MCTP2: variants seen among roughly 807,000 people sequenced by gnomAD.
MCTP2 encodes multiple C2 and transmembrane domain containing 2.
Under a neutral mutation model 111.6 loss-of-function variants are expected in MCTP2, and 132 were observed. That is an observed-to-expected ratio of 1.18 (90% CI 1.03 to 1.37). MCTP2 has a LOEUF of 1.37. Ranked by LOEUF, MCTP2 falls within the 40% of genes most tolerant of loss-of-function variation. The pLI, the probability that MCTP2 is intolerant of heterozygous loss-of-function variation, is 0.00. For synonymous variants in MCTP2, 395 were observed against 387.7 expected, an observed-to-expected ratio of 1.02 and a Z score of -0.22; for missense variants, 1,183 against 1,067.9, an observed-to-expected ratio of 1.11 and a Z score of -1.50.
chr15:94,347,924 TC>T (rs1340442499), intron 8 of MCTP2, among the ~76,000 whole-genome samples: 17 of 139,446 alleles, frequency 1.2e-4, no homozygotes, highest in Non-Finnish European at 2.7e-4. Flanking sequence ...ACACATACAC[TC>T]CCCACACCCC....
intron 4 of MCTP2, among the ~76,000 whole-genome samples, chr15:94,328,585 T>C (rs2076995625): frequency 6.6e-6 from 1 of 152,252 alleles, no homozygotes; most frequent in Admixed American, 6.5e-5. Flanking sequence ...GATTTACTCA[T>C]GTCTGAGTTT....
chr15:94,475,008 C>G (rs769947322), intron 21 of MCTP2, among the ~76,000 whole-genome samples: 1 of 151,968 alleles, frequency 6.6e-6, no homozygotes, highest in Non-Finnish European at 1.5e-5. Flanking sequence ...CCTGCCTTGC[C>G]GTTCATTGTG....
intron 19 of MCTP2, among the ~76,000 whole-genome samples, chr15:94,455,682 C>G (rs1427617100): frequency 1.3e-5 from 2 of 152,156 alleles, no homozygotes; most frequent in African/African-American, 2.4e-5. Flanking sequence ...GCCTTGGCCT[C>G]TCAAAGTGCT....
At chr15:94,245,192 A>G (rs1462787683) in intron 1 of MCTP2, among the ~76,000 whole-genome samples, 5 of 144,596 alleles carry the variant, frequency 3.5e-5, no homozygotes, top group Admixed American at 2.1e-4. Context: ...ATACACACAT[A>G]TGTATGTATA....
chr15:94,436,425 G>C (rs1273462858), intron 17 of MCTP2, among the ~76,000 whole-genome samples: 1 of 152,052 alleles, frequency 6.6e-6, no homozygotes, highest in Non-Finnish European at 1.5e-5. Flanking sequence ...TGTTTGTTAG[G>C]AAATCAGTTC....
At chr15:94,334,397 C>T (rs2077261238) in intron 4 of MCTP2, among the ~76,000 whole-genome samples, 1 of 152,158 alleles carries the variant, frequency 6.6e-6, no homozygotes, top group Non-Finnish European at 1.5e-5. Context: ...ATATTAGGCA[C>T]CTCTGGGCAT....
At chr15:94,282,397 A>G (rs1483971878) in intron 1 of MCTP2, among the ~76,000 whole-genome samples, 1 of 152,146 alleles carries the variant, frequency 6.6e-6, no homozygotes, top group East Asian at 1.9e-4. Context: ...CCAGAAGTTC[A>G]GTTGATTCTT....
At chr15:94,418,294 G>A (rs1209187823) in intron 17 of MCTP2, among the ~76,000 whole-genome samples, 2 of 152,110 alleles carry the variant, frequency 1.3e-5, no homozygotes, top group African/African-American at 4.8e-5. Flanking sequence ...CTTCTGAAAT[G>A]AGTAAGACAC....
chr15:94,297,241 A>C (rs1348905974), intron 1 of MCTP2, among the ~76,000 whole-genome samples: 1 of 152,180 alleles, frequency 6.6e-6, no homozygotes, highest in Admixed American at 6.5e-5. Context: ...TGATGAGTTC[A>C]ACCTGTTATA....
intron 4 of MCTP2, among the ~76,000 whole-genome samples, chr15:94,327,762 T>C (rs575335507): frequency 1.3e-5 from 2 of 152,352 alleles, no homozygotes; most frequent in African/African-American, 4.8e-5. Context: ...TGCCACTTGG[T>C]ACATATCATC....
rs189316800 is a variant in MCTP2, at chr15:94,406,462, T to C, written c.2085+4443T>C. ...ACCGGGACCAACCATACTGATTGTT[T>C]CAGATCTGTATTTAGATATTATGTG... On this transcript the variant is annotated intron_variant, in intron 17 of 22. Coordinates refer to ENST00000357742, the MANE Select transcript of MCTP2 (RefSeq NM_001385001.1). Among the ~76,000 whole-genome samples the C allele has an allele frequency of 3.9e-3, 593 of 152,362 alleles. 2 individuals are homozygous for C. The highest frequency in any genetic ancestry group is 6.8e-3 in the Middle Eastern group (2 of 294).
chr15:94,387,059 G>A (rs1451594804), intron 14 of MCTP2, among the ~76,000 whole-genome samples: 4 of 152,010 alleles, frequency 2.6e-5, no homozygotes, highest in Non-Finnish European at 5.9e-5. Flanking sequence ...GATCTGGTTT[G>A]TGAAAAGCAT....
intron 19 of MCTP2, among the ~76,000 whole-genome samples, chr15:94,443,730 G>A (rs2083923927): frequency 6.6e-6 from 1 of 152,054 alleles, no homozygotes; most frequent in South Asian, 2.1e-4. Flanking sequence ...AGATGGTTTT[G>A]CCCATTTGAA....
intron 16 of MCTP2, 92 bp downstream of exon 16, chr15:94,400,087 C>G (rs1387042225): frequency 9.3e-6 from 10 of 1,075,204 alleles, no homozygotes; most frequent in Admixed American, 1.8e-5. Context: ...TTCCTTGAAA[C>G]TTTTCCTCCC....
At chr15:94,294,946 T>TG in intron 1 of MCTP2, among the ~76,000 whole-genome samples, 1 of 21,102 alleles carries the variant, frequency 4.7e-5, no homozygotes, top group Non-Finnish European at 1.1e-4. Flanking sequence ...TTTTCCTTTT[T>TG]TTTTTTTTTT....
chr15:94,477,456 G>T (rs1429983549), intron 22 of MCTP2, among the ~76,000 whole-genome samples: 4 of 152,118 alleles, frequency 2.6e-5, no homozygotes, highest in Non-Finnish European at 5.9e-5. Context: ...AGAGTAGCTC[G>T]ATCCTGGCCC....
intron 1 of MCTP2, among the ~76,000 whole-genome samples, chr15:94,243,778 CATAT>C (rs776856812): frequency 9.1e-5 from 13 of 143,028 alleles, no homozygotes; most frequent in African/African-American, 1.3e-4. Flanking sequence ...TATTTATGAA[CATAT>C]ATATGTATAT....
At chr15:94,314,002 A>C (rs2152362496) in intron 2 of MCTP2, among the ~76,000 whole-genome samples, 1 of 152,330 alleles carries the variant, frequency 6.6e-6, no homozygotes, top group East Asian at 1.9e-4. Flanking sequence ...CTGGGAACAA[A>C]GCTATTTGCA....
intron 17 of MCTP2, 148 bp downstream of exon 17, chr15:94,402,167 T>C: frequency 7.6e-7 from 1 of 1,323,242 alleles, no homozygotes; most frequent in South Asian, 1.6e-5. Context: ...CCCCTTAAAT[T>C]ACCCAAATCT....
Sources: allele counts gnomAD v4.1 joint callset (sites outside exome capture counted in the v4.1 genomes callset), GRCh38; gene constraint gnomAD v4.1.1; transcripts MANE v1.5; gene names NCBI Gene and HGNC (gene_info 2026-07-23, HGNC 2026-07-21).